Variants in FHOD3 observed in about 807,000 individuals in gnomAD.
FHOD3 encodes the protein FH1/FH2 domain-containing protein 3.
In FHOD3, 90 loss-of-function variants were observed where a neutral mutation model predicts 173.0. The observed-to-expected ratio is 0.52, with a 90% CI of 0.44 to 0.62. FHOD3 has a LOEUF of 0.62. Ranked by LOEUF, FHOD3 falls within the 20% of genes least tolerant of loss-of-function variation. The probability of loss-of-function intolerance (pLI) is 0.00; values close to 1 mark genes in which losing one functional copy is unlikely to be tolerated. For synonymous variants in FHOD3, 828 were observed against 823.0 expected (o/e 1.01, Z -0.10); for missense variants, 1,945 against 2,034.7 (o/e 0.96, Z 0.85).
intron 5 of FHOD3, among the ~76,000 whole-genome samples, chr18:36,554,277 C>T (rs1297185630): frequency 2.6e-5 from 4 of 152,048 alleles, no homozygotes; most frequent in South Asian, 2.1e-4. Flanking sequence ...GAAAATGTGG[C>T]ACATATACAC....
At chr18:36,740,973 G>T in intron 21 of FHOD3, 135 bp downstream of exon 21, 2 of 840,578 alleles carry the variant, frequency 2.4e-6, no homozygotes, top group Non-Finnish European at 3.5e-6. Context: ...CAATGAGGAG[G>T]TCGTGTGTAC....
intron 27 of FHOD3, among the ~76,000 whole-genome samples, chr18:36,763,075 T>G (rs1001578424): frequency 1.3e-5 from 2 of 148,526 alleles, no homozygotes; most frequent in Non-Finnish European, 1.5e-5. Context: ...ATGCGTATTA[T>G]ACACGTTATA....
chr18:36,659,875 AG>A, intron 14 of FHOD3, among the ~76,000 whole-genome samples: 1 of 152,324 alleles, frequency 6.6e-6, no homozygotes, highest in East Asian at 1.9e-4. Flanking sequence ...TAGAAGATCC[AG>A]GATCCTGAAG....
chr18:36,322,544 G>A (rs189838682), intron 1 of FHOD3, among the ~76,000 whole-genome samples: 40 of 152,194 alleles, frequency 2.6e-4, no homozygotes, highest in South Asian at 4.2e-4. Context: ...TTTGGGTGCC[G>A]GGGTTGGCAG....
At chr18:36,517,099 A>G (rs1003765871) in intron 5 of FHOD3, among the ~76,000 whole-genome samples, 1 of 152,130 alleles carries the variant, frequency 6.6e-6, no homozygotes, top group African/African-American at 2.4e-5. Context: ...CAAAGCTGTG[A>G]GCAGGCTGCT....
At chr18:36,742,654 T>C in intron 21 of FHOD3, 83 bp from the exon 22 acceptor site, 4 of 1,450,410 alleles carry the variant, frequency 2.8e-6, no homozygotes, top group East Asian at 4.6e-5. Flanking sequence ...CACCGTGTGT[T>C]ATTCCCTTAT....
At chr18:36,696,551 C>T (rs2039292367) in intron 17 of FHOD3, among the ~76,000 whole-genome samples, 1 of 152,218 alleles carries the variant, frequency 6.6e-6, no homozygotes, top group Admixed American at 6.5e-5. Context: ...ATGATAAATA[C>T]TGATAGCATG....
At chr18:36,514,199 C>T (rs2055830619) in intron 5 of FHOD3, among the ~76,000 whole-genome samples, 1 of 151,714 alleles carries the variant, frequency 6.6e-6, no homozygotes, top group Non-Finnish European at 1.5e-5. Flanking sequence ...TTAGTAGAGA[C>T]GGGGTTTCAC....
intron 1 of FHOD3, among the ~76,000 whole-genome samples, chr18:36,319,455 C>A (rs753280203): frequency 1.7e-4 from 26 of 152,226 alleles, no homozygotes; most frequent in Non-Finnish European, 1.5e-4. Flanking sequence ...AATATATATG[C>A]ACCCAATATG....
chr18:36,666,154 T>C (rs2037167021), intron 14 of FHOD3, among the ~76,000 whole-genome samples: 1 of 152,244 alleles, frequency 6.6e-6, no homozygotes, highest in South Asian at 2.1e-4. Flanking sequence ...GCACACTGCG[T>C]GAGCCCTGCT....
intron 8 of FHOD3, among the ~76,000 whole-genome samples, chr18:36,608,520 C>G (rs2032331027): frequency 6.6e-6 from 1 of 152,204 alleles, no homozygotes; most frequent in Non-Finnish European, 1.5e-5. Flanking sequence ...GGGGCACATT[C>G]AAACCATAAC....
chr18:36,495,010 A>G lies in FHOD3; in HGVS notation c.338-6922A>G, dbSNP rs949877763. Among the ~76,000 whole-genome samples the G allele has an allele frequency of 1.1e-4, 17 of 152,150 alleles. No homozygotes were observed. In the East Asian group the frequency reaches 3.3e-3, roughly 29 times the overall value. ...AAGGCTGGAGTACAGTGGCATGATC[A>G]TGGCTCACTGCAGCCTTGACCTCCT... On this transcript the variant is annotated intron_variant, in intron 3 of 28. Coordinates refer to ENST00000590592, the MANE Select transcript of FHOD3 (RefSeq NM_001281740.3).
Position 36,729,147 on chromosome 18 carries a change from C to T in FHOD3, c.3418-1499C>T, listed in dbSNP as rs1303725900. Among the ~76,000 whole-genome samples the T allele has an allele frequency of 4.6e-5, 7 of 152,324 alleles. No homozygotes were observed. In the East Asian group the frequency reaches 1.3e-3, roughly 29 times the overall value. ...TGAGCTCCCTCAACAACAGAGGGTGCAGCACACCCCATTACTGTGCTGAAT... is the reference window on the plus strand; with the variant it reads ...TGAGCTCCCTCAACAACAGAGGGTGTAGCACACCCCATTACTGTGCTGAAT... On this transcript the variant is annotated intron_variant, in intron 19 of 28. Coordinates refer to ENST00000590592, the MANE Select transcript of FHOD3 (RefSeq NM_001281740.3).
At chr18:36,540,316 G>T (rs2057157456) in intron 5 of FHOD3, among the ~76,000 whole-genome samples, 1 of 152,174 alleles carries the variant, frequency 6.6e-6, no homozygotes, top group South Asian at 2.1e-4. Flanking sequence ...ATGACTCTCA[G>T]AACTGTGGTG....
intron 17 of FHOD3, 132 bp downstream of exon 17, chr18:36,693,555 G>C: frequency 1.2e-6 from 1 of 868,320 alleles, no homozygotes; most frequent in Non-Finnish European, 1.8e-6. Flanking sequence ...TTGGGGGAGG[G>C]GGGTTGTGAC....
intron 2 of FHOD3, among the ~76,000 whole-genome samples, chr18:36,363,750 G>A (rs780052845): frequency 2.2e-4 from 34 of 152,238 alleles, no homozygotes; most frequent in Admixed American, 4.6e-4. Flanking sequence ...ATGTATTTGT[G>A]AGAACTCATA....
chr18:36,696,658 C>T (rs1327967759), intron 17 of FHOD3, among the ~76,000 whole-genome samples: 1 of 152,190 alleles, frequency 6.6e-6, no homozygotes, highest in Non-Finnish European at 1.5e-5. Flanking sequence ...ACCACCAAGT[C>T]AATACATGCT....
At chr18:36,421,901 C>T (rs1013068532) in intron 3 of FHOD3, among the ~76,000 whole-genome samples, 2 of 152,134 alleles carry the variant, frequency 1.3e-5, no homozygotes. Context: ...ACCCCAAAGC[C>T]CTCTCTCCTG....
intron 4 of FHOD3, among the ~76,000 whole-genome samples, chr18:36,505,348 A>T (rs2055249650): frequency 6.6e-6 from 1 of 152,254 alleles, no homozygotes; most frequent in Admixed American, 6.5e-5. Context: ...TGTTAGAATG[A>T]TCACCATAGA....
Sources: allele counts gnomAD v4.1 joint callset (sites outside exome capture counted in the v4.1 genomes callset), GRCh38; gene constraint gnomAD v4.1.1; transcripts MANE v1.5; gene names NCBI Gene and HGNC (gene_info 2026-07-23, HGNC 2026-07-21).